ASB13: variants seen among roughly 807,000 people sequenced by gnomAD.
ASB13 encodes ankyrin repeat and SOCS box containing 13, also known as ankyrin repeat and SOCS box protein 13.
ASB13 carries 33 observed loss-of-function variants against 28.8 expected under a neutral mutation model. That is an observed-to-expected ratio of 1.15 (90% CI 0.87 to 1.53). The LOEUF is 1.53. Ranked by LOEUF, ASB13 falls within the 40% of genes most tolerant of loss-of-function variation. The pLI is 0.00. For missense variants in ASB13, 414 were observed against 390.1 expected, an observed-to-expected ratio of 1.06 and a Z score of -0.52; for synonymous variants, 182 against 172.9, an observed-to-expected ratio of 1.05 and a Z score of -0.41.
chr10:5,652,022 AAAACCACACACACAC>A lies in ASB13; in HGVS notation c.232-674_232-660del, dbSNP rs1461663390. 2.2e-5 allele frequency among the ~76,000 whole-genome samples: 1 copy of A among 44,564 alleles called. No individual in the cohort carries two copies. The highest frequency in any genetic ancestry group is 5.0e-5 in the Non-Finnish European group (1 of 19,874). The allele number at this position is 44,564 out of a possible 152,430, so 29.2% of individuals were successfully genotyped here. On this transcript the variant is annotated intron_variant, in intron 2 of 5. Coordinates refer to ENST00000357700, the MANE Select transcript of ASB13 (RefSeq NM_024701.4). This position sits in a 1 kb window ranked among gnomAD's most constrained non-coding sequence, Gnocchi z 5.0. Reference sequence around the variant, plus strand: ...ATCTCAAAAAAAAAAAAAAAAAAAAAAAACCACACACACACACACACACACACACACACACACACA... The same window carrying A: ...ATCTCAAAAAAAAAAAAAAAAAAAAAACACACACACACACACACACACACA...
chr10:5,640,621 G>A lies in ASB13; in HGVS notation c.*82C>T, dbSNP rs536339036. ...TTGTTCTATCTACAGCAATCACGCT[G>A]CTTCAGAGGAACAGGCAGAGCCCTC... On this transcript the variant is annotated 3_prime_UTR_variant, in exon 6 of 6. Transcript: ENST00000357700. 6.0e-5 allele frequency: 94 copies of A among 1,562,930 alleles called. No homozygotes were observed. The highest frequency in any genetic ancestry group is 3.9e-4 in the Admixed American group (23 of 59,146).
chr10:5,648,955 C>T lies in ASB13; in HGVS notation c.517+15G>A. 6.2e-7 allele frequency: 1 copy of T among 1,612,650 alleles called. No homozygotes were observed. Among genetic ancestry groups the T allele is most frequent in the Non-Finnish European group, 8.5e-7 (1 of 1,178,850 alleles). On this transcript the variant is annotated intron_variant, in intron 4 of 5. Coordinates refer to ENST00000357700, the MANE Select transcript of ASB13 (RefSeq NM_024701.4). Reference sequence around the variant, plus strand: ...CCACTCAGGTAAACACCCGCTCGGGCAAACACCCACTCACCTGCATTGAGC... The same window carrying T: ...CCACTCAGGTAAACACCCGCTCGGGTAAACACCCACTCACCTGCATTGAGC...
In ASB13 at chr10:5,652,744, G is replaced by C. The variant is rs1835006492; in HGVS notation, c.231+119C>G. On this transcript the variant is annotated intron_variant, in intron 2 of 5. Transcript: ENST00000357700. The surrounding 1 kb of genome is among the most constrained non-coding windows in gnomAD (Gnocchi z 5.0). ...CTCAGCCATGGGCTTCCTGGTACCT[G>C]TGTGCAGTGGACACAGTGCAGCCCC... 9.6e-7 allele frequency: 1 copy of C among 1,040,434 alleles called. No individual in the cohort carries two copies. 64.5% of individuals were successfully genotyped at this position (1,040,434 alleles called of 1,614,324 possible). A position where few individuals can be genotyped will look rare whatever the true frequency, so the allele number is the denominator to read the frequency against.
chr10:5,648,614 G>GC (rs1834929857), intron 4 of ASB13, among the ~76,000 whole-genome samples: 1 of 133,738 alleles, frequency 7.5e-6, no homozygotes, highest in Non-Finnish European at 1.6e-5. Context: ...AAACACCCAC[G>GC]GGGGTAAACA....
chr10:5,640,885 C>G, intron 5 of ASB13, 55 bp from the exon 6 acceptor site: 1 of 1,601,304 alleles, frequency 6.2e-7, no homozygotes, highest in South Asian at 1.1e-5. Context: ...AAGCACAACA[C>G]CTGCAATGGA....
In ASB13 at chr10:5,640,718, G is replaced by A; in HGVS notation, c.822C>T (p.Tyr274=). The A allele has an allele frequency of 1.9e-6, 3 of 1,614,136 alleles. No individual in the cohort carries two copies. The highest frequency in any genetic ancestry group is 2.5e-6 in the Non-Finnish European group (3 of 1,180,028). The change falls in exon 6 of 6, where the codon TAC becomes TAT. Residue 274 remains tyrosine (Y), a synonymous_variant. Transcript: ENST00000357700. ...KLNIPPRLID[Y]LSYN ...CACCTGCAATTCAGTTGTAGGAGAG[G>A]TAATCAATGAGCCGGGGCGGGATGT...
chr10:5,641,953 C>T lies in ASB13; in HGVS notation c.526G>A (p.Val176Met), dbSNP rs202154158. The change falls in exon 5 of 6, where the codon GTG (valine) becomes ATG (methionine). Residue 176 changes from valine (V) to methionine (M), a missense_variant. Transcript: ENST00000357700. This position sits in a 1 kb window ranked among gnomAD's most constrained non-coding sequence, Gnocchi z 8.4. ...VKVLLNAGAN[V>M]NAAKLHETAL... ...GTCTCATGAAGCTTTGCCGCATTCA[C>T]GTTGGCCCCTGGAGGTCAAGAGTGC... The T allele has an allele frequency of 6.2e-6, 10 of 1,602,600 alleles. No homozygotes were observed. In the East Asian group the frequency reaches 6.7e-5, roughly 11 times the overall value.
intron 4 of ASB13, among the ~76,000 whole-genome samples, chr10:5,643,933 C>A (rs749056509): frequency 2.0e-5 from 3 of 152,230 alleles, no homozygotes; most frequent in Non-Finnish European, 4.4e-5. Flanking sequence ...CTCCCTGCCA[C>A]GCTCCACAGA....
At chr10:5,647,596 C>T (rs539562619) in intron 4 of ASB13, among the ~76,000 whole-genome samples, 3 of 152,278 alleles carry the variant, frequency 2.0e-5, no homozygotes, top group African/African-American at 7.2e-5. Context: ...AGGCAGCAAC[C>T]TCACCAGGCA....
chr10:5,640,637 CA>C lies in ASB13; in HGVS notation c.*65del. The C allele has an allele frequency of 6.2e-7, 1 of 1,600,214 alleles. No homozygotes were observed. Among genetic ancestry groups the C allele is most frequent in the Non-Finnish European group, 8.6e-7 (1 of 1,169,530 alleles). On this transcript the variant is annotated 3_prime_UTR_variant, in exon 6 of 6. Coordinates refer to ENST00000357700, the MANE Select transcript of ASB13 (RefSeq NM_024701.4). The stretch of plus-strand genomic sequence containing the variant: ...AATCACGCTGCTTCAGAGGAACAGG[CA>C]GAGCCCTCACCCGGGCAATGCTGGG...
chr10:5,662,286 A>G (rs922623240), intron 1 of ASB13, among the ~76,000 whole-genome samples: 1 of 151,992 alleles, frequency 6.6e-6, no homozygotes, highest in Non-Finnish European at 1.5e-5. Flanking sequence ...CGGGAGGCTG[A>G]GGCAGGCGGA....
chr10:5,651,147 T>C lies in ASB13; in HGVS notation c.382+66A>G. On this transcript the variant is annotated intron_variant, in intron 3 of 5. Transcript: ENST00000357700. The surrounding 1 kb of genome is among the most constrained non-coding windows in gnomAD (Gnocchi z 5.1). Reference sequence around the variant, plus strand: ...TACTCTGCTTCCTTCCCTAAGTCCCTTTAATCCCAGAAAGGAGGAAACTTC... The same window carrying C: ...TACTCTGCTTCCTTCCCTAAGTCCCCTTAATCCCAGAAAGGAGGAAACTTC... The C allele has an allele frequency of 1.3e-6, 2 of 1,524,734 alleles. No individual in the cohort carries two copies. Among genetic ancestry groups the C allele is most frequent in the Non-Finnish European group, 1.8e-6 (2 of 1,134,386 alleles). The allele number at this position is 1,524,734 out of a possible 1,614,324, so 94.5% of individuals were successfully genotyped here. A position where few individuals can be genotyped will look rare whatever the true frequency, so the allele number is the denominator to read the frequency against.
chr10:5,638,902 C>G lies in ASB13; in HGVS notation c.*1801G>C, dbSNP rs936135974. ...TCCGCCACTTTTATTGAGCAACAGC[C>G]GTGGGGACCTGATTCTGCGCTAAGT... is the stretch of plus-strand genomic sequence containing the variant. On this transcript the variant is annotated 3_prime_UTR_variant, in exon 6 of 6. Coordinates refer to ENST00000357700, the MANE Select transcript of ASB13 (RefSeq NM_024701.4). The G allele has an allele frequency of 6.6e-6, 1 of 152,228 alleles. No individual in the cohort carries two copies. The highest frequency in any genetic ancestry group is 2.1e-4 in the South Asian group (1 of 4,830). The allele number at this position is 152,228 out of a possible 1,614,324, so 9.4% of individuals were successfully genotyped here.
chr10:5,641,257 A>G lies in ASB13; in HGVS notation c.710-427T>C, dbSNP rs1834804599. ...GCTGGGATTACAGGCACCCACCACC[A>G]TGCCCGCCTAATTTTTATATTTTTA... On this transcript the variant is annotated intron_variant, in intron 5 of 5. Coordinates refer to ENST00000357700, the MANE Select transcript of ASB13 (RefSeq NM_024701.4). The surrounding 1 kb of genome is among the most constrained non-coding windows in gnomAD (Gnocchi z 8.4). Among the ~76,000 whole-genome samples, 1 of 151,964 alleles carries G rather than the reference A, an allele frequency of 6.6e-6. No individual in the cohort carries two copies. The highest frequency in any genetic ancestry group is 6.6e-5 in the Admixed American group (1 of 15,258).
In ASB13 at chr10:5,652,867, G is replaced by T. The variant is rs1474165848; in HGVS notation, c.227C>A (p.Ala76Asp). Residue 76 changes from alanine to aspartate, a missense_variant, in exon 2 of 6, where the codon GCC becomes GAC. Physicochemically the swap from Ala to Asp is moderately radical, Grantham distance 126. Transcript: ENST00000357700. This position sits in a 1 kb window ranked among gnomAD's most constrained non-coding sequence, Gnocchi z 5.0. ...RCVQLLLAAGAQVDARNIDGS... is the reference protein window; with the variant it reads ...RCVQLLLAAGDQVDARNIDGS... Reference sequence around the variant, plus strand: ...CTGCCCTGAAGGGCCACTCACCTGGGCCCCAGCCGCCAGCAGCAGCTGCAC... The same window carrying T: ...CTGCCCTGAAGGGCCACTCACCTGGTCCCCAGCCGCCAGCAGCAGCTGCAC... 1.3e-6 allele frequency: 2 copies of T among 1,540,906 alleles called. No homozygotes were observed. Among genetic ancestry groups the T allele is most frequent in the Admixed American group, 3.9e-5 (2 of 51,630 alleles).
intron 4 of ASB13, 121 bp downstream of exon 4, chr10:5,648,849 C>A (rs1265728488): frequency 6.6e-7 from 1 of 1,525,070 alleles, no homozygotes; most frequent in East Asian, 2.3e-5. Flanking sequence ...CCGGTAAACA[C>A]CCACTCGGGT....
At chr10:5,643,301 T>C (rs1221288587) in intron 4 of ASB13, among the ~76,000 whole-genome samples, 1 of 152,244 alleles carries the variant, frequency 6.6e-6, no homozygotes, top group Non-Finnish European at 1.5e-5. Flanking sequence ...TTACATTTTC[T>C]AGTTCCTCTA....
Position 5,652,604 on chromosome 10 carries a change from C to T in ASB13, c.231+259G>A, listed in dbSNP as rs12569494. ...CCTGAGAGAGCCTGTGTCTAGGCTG[C>T]GGCCAGCCTGCTGGCTCCTGCCCAC... On this transcript the variant is annotated intron_variant, in intron 2 of 5. Transcript: ENST00000357700. The surrounding 1 kb of genome is among the most constrained non-coding windows in gnomAD (Gnocchi z 5.0). 2.6e-5 allele frequency among the ~76,000 whole-genome samples: 4 copies of T among 152,148 alleles called. No individual in the cohort carries two copies. Among genetic ancestry groups the T allele is most frequent in the South Asian group, 2.1e-4 (1 of 4,830 alleles).
intron 4 of ASB13, among the ~76,000 whole-genome samples, chr10:5,643,387 C>T (rs920386102): frequency 6.6e-6 from 1 of 152,194 alleles, no homozygotes; most frequent in African/African-American, 2.4e-5. Context: ...AAGAACCATG[C>T]TCATAACAGC....
Sources: gnomAD v4.1 joint callset for allele counts (sites outside exome capture counted in the v4.1 genomes callset) on GRCh38, gnomAD v4.1.1 for gene constraint, Gnocchi (gnomAD v3.1) non-coding constraint, MANE v1.5 for transcripts, NCBI Gene and HGNC (gene_info 2026-07-23, HGNC 2026-07-21) for gene names.